Variants in ANO3 observed in about 807,000 individuals in gnomAD.
The protein encoded by ANO3 is anoctamin 3.
Under a neutral mutation model 144.8 loss-of-function variants are expected in ANO3, and 99 were observed. The observed-to-expected ratio is 0.68, with a 90% CI of 0.58 to 0.81. ANO3 has a LOEUF of 0.81. ANO3 is among the 30% of genes least tolerant of loss of function. The probability of loss-of-function intolerance (pLI) is 0.00; values close to 1 mark genes in which losing one functional copy is unlikely to be tolerated. For missense variants in ANO3, 905 were observed against 1,202.2 expected (o/e 0.75, Z 3.66); for synonymous variants, 414 against 392.6 (o/e 1.05, Z -0.64).
intron 17 of ANO3, among the ~76,000 whole-genome samples, chr11:26,603,405 T>C (rs910383533): frequency 7.2e-5 from 11 of 152,128 alleles, no homozygotes; most frequent in Admixed American, 1.3e-4. Flanking sequence ...AAAATTAATT[T>C]CCAATATTCT....
At chr11:26,215,750 A>G (rs1193626753) in intron 1 of ANO3, among the ~76,000 whole-genome samples, 1 of 151,994 alleles carries the variant, frequency 6.6e-6, no homozygotes, top group Non-Finnish European at 1.5e-5. Flanking sequence ...AGCTATCTCT[A>G]TCTATATTAA....
intron 12 of ANO3, among the ~76,000 whole-genome samples, chr11:26,547,754 A>G (rs1398111433): frequency 1.3e-5 from 2 of 151,916 alleles, no homozygotes; most frequent in African/African-American, 2.4e-5. Context: ...TTTGCAAACT[A>G]TCTTGAGTAA....
chr11:26,191,568 G>A (rs1057121818), intron 1 of ANO3, among the ~76,000 whole-genome samples: 3 of 152,106 alleles, frequency 2.0e-5, no homozygotes, highest in Non-Finnish European at 4.4e-5. Context: ...CTATTTCAAT[G>A]ATTCTGTATA....
chr11:26,238,478 G>T (rs1362999074), intron 1 of ANO3, among the ~76,000 whole-genome samples: 1 of 151,956 alleles, frequency 6.6e-6, no homozygotes, highest in Admixed American at 6.6e-5. Context: ...AAAATTTACA[G>T]TTTACCCCAA....
chr11:26,371,339 A>G (rs1290219473), intron 1 of ANO3, among the ~76,000 whole-genome samples: 1 of 152,248 alleles, frequency 6.6e-6, no homozygotes, highest in Admixed American at 6.5e-5. Context: ...TGAAGATTTC[A>G]GAAGATGCTT....
intron 14 of ANO3, among the ~76,000 whole-genome samples, chr11:26,570,623 C>T (rs965726679): frequency 1.3e-5 from 2 of 152,114 alleles, no homozygotes; most frequent in Non-Finnish European, 2.9e-5. Context: ...AGTAAAATCA[C>T]TGACGACTAT....
chr11:26,579,947 T>G (rs937528270), intron 14 of ANO3, among the ~76,000 whole-genome samples: 2 of 152,098 alleles, frequency 1.3e-5, no homozygotes, highest in Non-Finnish European at 2.9e-5. Flanking sequence ...ACAACATGAC[T>G]GGCACATAAG....
At chr11:26,659,390 T>A (rs1450460865) in intron 26 of ANO3, among the ~76,000 whole-genome samples, 1 of 151,672 alleles carries the variant, frequency 6.6e-6, no homozygotes, top group African/African-American at 2.4e-5. Flanking sequence ...ATTACTTTTG[T>A]CAGTTCATTT....
chr11:26,509,105 C>CTATATA (rs34831311), intron 5 of ANO3, among the ~76,000 whole-genome samples: 3 of 147,622 alleles, frequency 2.0e-5, no homozygotes, highest in Admixed American at 1.4e-4. Context: ...CTCTCTCTCT[C>CTATATA]TATATATATA....
chr11:26,361,334 T>C (rs1315576260), intron 1 of ANO3, among the ~76,000 whole-genome samples: 1 of 152,190 alleles, frequency 6.6e-6, no homozygotes, highest in Non-Finnish European at 1.5e-5. Context: ...TTTTCCAGGC[T>C]TTGTCCTATA....
intron 11 of ANO3, among the ~76,000 whole-genome samples, chr11:26,542,303 T>G (rs1263537120): frequency 2.0e-5 from 3 of 151,832 alleles, no homozygotes; most frequent in Admixed American, 6.6e-5. Context: ...CAGCAAAAAA[T>G]TACTAACACC....
At chr11:26,445,967 G>A (rs1326183389) in intron 3 of ANO3, among the ~76,000 whole-genome samples, 2 of 151,972 alleles carry the variant, frequency 1.3e-5, no homozygotes, top group Non-Finnish European at 2.9e-5. Flanking sequence ...GAGTAGCTGG[G>A]ACTACAGGCA....
chr11:26,402,936 T>C (rs755205514), intron 1 of ANO3, among the ~76,000 whole-genome samples: 3 of 151,062 alleles, frequency 2.0e-5, no homozygotes, highest in Non-Finnish European at 4.4e-5. Flanking sequence ...GTTTAATGCA[T>C]CAATTCGCCA....
At chr11:26,233,779 C>T (rs1852454173) in intron 1 of ANO3, among the ~76,000 whole-genome samples, 1 of 152,188 alleles carries the variant, frequency 6.6e-6, no homozygotes. Context: ...AGAATGAGTT[C>T]ATGTCCTTTG....
At chr11:26,266,555 G>T (rs575334940) in intron 1 of ANO3, among the ~76,000 whole-genome samples, 60 of 149,742 alleles carry the variant, frequency 4.0e-4, no homozygotes, top group African/African-American at 1.4e-3. Flanking sequence ...TGCCTCAGCC[G>T]CCCGAGAAGC....
At chr11:26,621,095 C>G (rs1852401535) in intron 17 of ANO3, among the ~76,000 whole-genome samples, 1 of 152,114 alleles carries the variant, frequency 6.6e-6, no homozygotes, top group Non-Finnish European at 1.5e-5. Flanking sequence ...AGTTCTAAAA[C>G]CCATGTAGAA....
chr11:26,640,905 C>G (rs1044800133), intron 21 of ANO3, among the ~76,000 whole-genome samples: 3 of 152,312 alleles, frequency 2.0e-5, no homozygotes, highest in African/African-American at 4.8e-5. Context: ...ACTCTCACCT[C>G]CAGCCCCTTT....
intron 1 of ANO3, among the ~76,000 whole-genome samples, chr11:26,363,428 C>T (rs1855979573): frequency 6.6e-6 from 1 of 150,444 alleles, no homozygotes; most frequent in Non-Finnish European, 1.5e-5. Context: ...GGGGGCCTCT[C>T]TCCTTGACGT....
chr11:26,533,710 G>T (rs375747211), intron 8 of ANO3, among the ~76,000 whole-genome samples: 1 of 152,184 alleles, frequency 6.6e-6, no homozygotes, highest in Non-Finnish European at 1.5e-5. Flanking sequence ...GCTGGAGAGA[G>T]ACAGTTTAGT....
Sources: gnomAD v4.1 joint callset for allele counts (sites outside exome capture counted in the v4.1 genomes callset) on GRCh38, gnomAD v4.1.1 for gene constraint, MANE v1.5 for transcripts, NCBI Gene and HGNC (gene_info 2026-07-23, HGNC 2026-07-21) for gene names.